The following MOK variants were observed in gnomAD, a reference collection of about 807,000 sequenced individuals.
MOK encodes MOK protein kinase, also known as MAPK/MAK/MRK overlapping kinase.
In MOK, 59 loss-of-function variants were observed where a neutral mutation model predicts 54.2. The ratio of observed to expected loss-of-function variants is 1.09; its 90% CI spans 0.88 to 1.35. The LOEUF (loss-of-function observed/expected upper bound fraction) is 1.35, where lower values mean the gene tolerates loss of function less well. Ranked by LOEUF, MOK falls within the 40% of genes most tolerant of loss-of-function variation. MOK has a pLI of 0.00. For synonymous variants in MOK, 210 were observed against 202.7 expected (o/e 1.04, Z -0.31); for missense variants, 517 against 526.2 (o/e 0.98, Z 0.17).
intron 1 of MOK, among the ~76,000 whole-genome samples, chr14:102,304,339 A>C (rs1447646893): frequency 6.6e-6 from 1 of 152,238 alleles, no homozygotes; most frequent in Admixed American, 6.5e-5. Flanking sequence ...AAATCCCACT[A>C]AAGAAAATTT....
At chr14:102,216,893 A>G in the MOK span, among the ~76,000 whole-genome samples, 1 of 150,794 alleles carries the variant, frequency 6.6e-6, no homozygotes, top group South Asian at 2.1e-4. Flanking sequence ...AGATGGCGCC[A>G]CTGCACTCCA....
chr14:102,262,231 C>T (rs1013430697), intron 4 of MOK, among the ~76,000 whole-genome samples: 3 of 152,134 alleles, frequency 2.0e-5, no homozygotes, highest in Admixed American at 2.0e-4. Context: ...CTGCAACCCC[C>T]GCCTCCTAGG....
Position 102,236,323 on chromosome 14 carries a change from C to A in MOK, c.591-2534G>T, listed in dbSNP as rs189199415. ...AGCCGATCTCTTTTTAAATTGATAG[C>A]GGGGCCACCTACTCAGCTTTGCCTG... On this transcript the variant is annotated intron_variant, in intron 7 of 11. Coordinates refer to ENST00000361847, the MANE Select transcript of MOK (RefSeq NM_014226.3). This position sits in a 1 kb window ranked among gnomAD's most constrained non-coding sequence, Gnocchi z 4.5. Among the ~76,000 whole-genome samples the A allele has an allele frequency of 6.6e-6, 1 of 152,178 alleles. No individual in the cohort carries two copies. The highest frequency in any genetic ancestry group is 2.4e-5 in the African/African-American group (1 of 41,430).
At chr14:102,256,491 G>A (rs528741643) in intron 4 of MOK, among the ~76,000 whole-genome samples, 3 of 151,904 alleles carry the variant, frequency 2.0e-5, no homozygotes, top group East Asian at 3.9e-4. Flanking sequence ...GGAGAATGGC[G>A]TGAACCCGGG....
At chr14:102,290,551 TAA>T (rs2070664661) in intron 1 of MOK, among the ~76,000 whole-genome samples, 1 of 152,182 alleles carries the variant, frequency 6.6e-6, no homozygotes, top group South Asian at 2.1e-4. Flanking sequence ...ATCGGTATAT[TAA>T]AAGTCACAGC....
At chr14:102,246,485 T>TA (rs1478093683) in intron 7 of MOK, among the ~76,000 whole-genome samples, 1 of 152,072 alleles carries the variant, frequency 6.6e-6, no homozygotes, top group Non-Finnish European at 1.5e-5. Flanking sequence ...ACAGAACACT[T>TA]AATCTCACAC....
intron 2 of MOK, among the ~76,000 whole-genome samples, chr14:102,270,856 G>A (rs1383810118): frequency 6.6e-6 from 1 of 152,106 alleles, no homozygotes; most frequent in Non-Finnish European, 1.5e-5. Flanking sequence ...CCGTATAAAT[G>A]TCCTGAAACT....
intron 1 of MOK, among the ~76,000 whole-genome samples, chr14:102,286,410 A>G (rs556508342): frequency 4.5e-4 from 68 of 151,642 alleles, no homozygotes; most frequent in African/African-American, 1.6e-3. Flanking sequence ...ACTTGAGCCC[A>G]GGAGTTCAAG....
At chr14:102,286,452 C>T (rs1188882839) in intron 1 of MOK, among the ~76,000 whole-genome samples, 1 of 151,484 alleles carries the variant, frequency 6.6e-6, no homozygotes, top group African/African-American at 2.4e-5. Flanking sequence ...CCCGTCTCTA[C>T]AAAAAATAAT....
intron 4 of MOK, among the ~76,000 whole-genome samples, chr14:102,261,385 CAAAAAAAAAAAAAAAA>C (rs1178540689): frequency 6.2e-4 from 4 of 6,488 alleles, no homozygotes; most frequent in South Asian, 4.9e-3. Flanking sequence ...CGCCACGTCT[CAAAAAAAAAAAAAAAA>C]AAAAAAAAAA....
At chr14:102,261,997 C>A (rs1277911090) in intron 4 of MOK, among the ~76,000 whole-genome samples, 5 of 151,666 alleles carry the variant, frequency 3.3e-5, no homozygotes, top group Non-Finnish European at 7.4e-5. Flanking sequence ...CCCGCCACCA[C>A]GCCCGGCTAA....
chr14:102,285,720 C>T (rs1000989206), intron 1 of MOK, among the ~76,000 whole-genome samples: 1 of 151,886 alleles, frequency 6.6e-6, no homozygotes, highest in Middle Eastern at 3.2e-3. Context: ...GGTGAAACCA[C>T]GTCTCTACTA....
intron 11 of MOK, 38 bp downstream of exon 11, chr14:102,229,419 G>A (rs758494850): frequency 3.1e-6 from 5 of 1,613,986 alleles, no homozygotes; most frequent in South Asian, 1.1e-5. Flanking sequence ...GGGCTGGGTC[G>A]AAGAGCAGCG....
At chr14:102,296,846 T>A (rs1597628635) in intron 1 of MOK, among the ~76,000 whole-genome samples, 1 of 151,682 alleles carries the variant, frequency 6.6e-6, no homozygotes, top group African/African-American at 2.4e-5. Flanking sequence ...GATCACAAGG[T>A]CAGGAGATCG....
At chr14:102,288,862 A>G (rs2070431068) in intron 1 of MOK, among the ~76,000 whole-genome samples, 2 of 152,160 alleles carry the variant, frequency 1.3e-5, no homozygotes, top group African/African-American at 4.8e-5. Context: ...TGGCATGTTC[A>G]CTTCACCAAC....
intron 8 of MOK, chr14:102,233,449 C>A: frequency 2.0e-6 from 1 of 495,424 alleles, no homozygotes; most frequent in Admixed American, 3.6e-5. Context: ...CCCCAGCCCT[C>A]AGAAAGCCTG....
At position 102,228,860 on chromosome 14, in the gene MOK, A is replaced by G. The variant is rs1401228009; in HGVS notation, c.*429T>C. ...ATACTGTAACGACAGCTTATTCTTT[A>G]ATAAAAGTCAGGGGTGTCAGCAGCG... On this transcript the variant is annotated 3_prime_UTR_variant, in exon 12 of 12. Transcript: ENST00000361847. The G allele has an allele frequency of 5.6e-6, 1 of 178,336 alleles. No homozygotes were observed. The highest frequency in any genetic ancestry group is 1.2e-5 in the Non-Finnish European group (1 of 85,844). The allele number at this position is 178,336 out of a possible 1,614,324, so 11.0% of individuals were successfully genotyped here. A position where few individuals can be genotyped will look rare whatever the true frequency, so the allele number is the denominator to read the frequency against.
downstream of MOK, among the ~76,000 whole-genome samples, chr14:102,221,151 C>A (rs534573945): frequency 1.3e-5 from 2 of 152,310 alleles, no homozygotes; most frequent in African/African-American, 4.8e-5. The surrounding 1 kb of genome is among the most constrained non-coding windows in gnomAD (Gnocchi z 4.8). Context: ...GAGCAGCACT[C>A]ACCTCCACCT....
chr14:102,214,640 G>A, the MOK span: 17 of 984,698 alleles, frequency 1.7e-5, no homozygotes, highest in Admixed American at 4.9e-4. Flanking sequence ...TATGTTAGGC[G>A]ACACTGTATA....
Sources: gnomAD v4.1 joint callset for allele counts (sites outside exome capture counted in the v4.1 genomes callset) on GRCh38, gnomAD v4.1.1 for gene constraint, Gnocchi (gnomAD v3.1) non-coding constraint, MANE v1.5 for transcripts, NCBI Gene and HGNC (gene_info 2026-07-23, HGNC 2026-07-21) for gene names.